The following HNRNPU variants were observed in gnomAD, a reference collection of about 807,000 sequenced individuals.
HNRNPU encodes heterogeneous nuclear ribonucleoprotein U.
A neutral mutation model predicts 94.7 loss-of-function variants in HNRNPU; 5 were observed. That is an observed-to-expected ratio of 0.05 (90% CI 0.03 to 0.11). The LOEUF (loss-of-function observed/expected upper bound fraction) is 0.11, where lower values mean the gene tolerates loss of function less well. HNRNPU is among the 10% of genes least tolerant of loss of function. The pLI is 1.00. For synonymous variants in HNRNPU, 434 were observed against 381.6 expected, an observed-to-expected ratio of 1.14 and a Z score of -1.60; for missense variants, 710 against 1,049.2, an observed-to-expected ratio of 0.68 and a Z score of 4.47.
At chr1:244,854,919 C>G (rs1396495732) in intron 13 of HNRNPU, 54 bp downstream of exon 13, 4 of 1,333,390 alleles carry the variant, frequency 3.0e-6, no homozygotes, top group Non-Finnish European at 4.3e-6. Flanking sequence ...ACTGATAAAT[C>G]TTAGGAACTC....
At chr1:244,856,426 TTCA>T in intron 10 of HNRNPU, 28 bp downstream of exon 10, 1 of 1,583,140 alleles carries the variant, frequency 6.3e-7, no homozygotes. Context: ...AAAAGAAGAT[TTCA>T]CACAGTAACA....
Position 244,854,107 on chromosome 1 carries a change from G to A in HNRNPU, c.*343C>T, listed in dbSNP as rs1336875853. On this transcript the variant is annotated 3_prime_UTR_variant, in exon 14 of 14. Transcript: ENST00000640218. ...TTATTCTCTGTGAGAAATGGGGGGA[G>A]TAAATTCTTAATAAAAGACACCAGG... The A allele has an allele frequency of 4.0e-6, 1 of 249,700 alleles. No homozygotes were observed. Among genetic ancestry groups the A allele is most frequent in the African/African-American group, 2.4e-5 (1 of 41,930 alleles). The allele number at this position is 249,700 out of a possible 1,614,324, so 15.5% of individuals were successfully genotyped here.
Position 244,862,501 on chromosome 1 carries a change from T to C in HNRNPU, c.837A>G (p.Glu279=), listed in dbSNP as rs538951206. Residue 279 remains glutamate (E), a synonymous_variant, in exon 3 of 14, where the codon GAA becomes GAG. Transcript: ENST00000640218. ...AKSPQPPVEE[E]DEHFDDTVVC... ...CCACTGTGTCATCGAAGTGTTCATCTTCTTCTTCAACAGGTGGCTGAGGAG... is the reference window on the plus strand; with the variant it reads ...CCACTGTGTCATCGAAGTGTTCATCCTCTTCTTCAACAGGTGGCTGAGGAG... 2.1e-5 allele frequency: 34 copies of C among 1,613,780 alleles called. No individual in the cohort carries two copies. Among genetic ancestry groups the C allele is most frequent in the Non-Finnish European group, 2.9e-5 (34 of 1,179,862 alleles).
chr1:244,851,259 T>C lies in HNRNPU; in HGVS notation c.*3191A>G, dbSNP rs1336779857. On this transcript the variant is annotated 3_prime_UTR_variant, in exon 14 of 14. Transcript: ENST00000640218. ...ATGCCTCTCTGTTTATTCTAGTTTT[T>C]TAAAAATCAAATATACAAGATCTAC... 1 of 152,044 alleles carries C rather than the reference T, an allele frequency of 6.6e-6. No homozygotes were observed. Among genetic ancestry groups the C allele is most frequent in the Admixed American group, 6.6e-5 (1 of 15,252 alleles). 9.4% of individuals were successfully genotyped at this position (152,044 alleles called of 1,614,324 possible).
rs1319023476 is a variant in HNRNPU at position 244,861,739 on chromosome 1, TAACA to T, written c.877+718_877+721del. 6 of 47,622 alleles carry T rather than the reference TAACA, an allele frequency of 1.3e-4. No individual in the cohort carries two copies. The Admixed American group carries it at 1.4e-3, about 11-fold the overall frequency. 2.9% of individuals were successfully genotyped at this position (47,622 alleles called of 1,614,324 possible). A position where few individuals can be genotyped will look rare whatever the true frequency, so the allele number is the denominator to read the frequency against. Reference sequence around the variant, plus strand: ...TCACTAAACCAACTACGTTTTTTTGTAACAAAAAAAAAAAAAAAAAAAACAAGTC... The same window carrying T: ...TCACTAAACCAACTACGTTTTTTTGTAAAAAAAAAAAAAAAAAAACAAGTC... On this transcript the variant is annotated intron_variant, in intron 3 of 13. Coordinates refer to ENST00000640218, the MANE Select transcript of HNRNPU (RefSeq NM_031844.3).
At chr1:244,863,418 A>ATG (rs1680903398) in intron 1 of HNRNPU, among the ~76,000 whole-genome samples, 199 bp downstream of exon 1, 2 of 141,456 alleles carry the variant, frequency 1.4e-5, no homozygotes, top group Non-Finnish European at 3.1e-5. Flanking sequence ...ACACACACAC[A>ATG]CACGCGCGCG....
rs556510132 is a variant in HNRNPU at position 244,854,995 on chromosome 1, C to T, written c.2402G>A (p.Gly801Asp). ...NNRGYKNQSQ[G>D]YNQWQQGQFW... ...TACACCCTGCTGCCACTGGTTGTAG[C>T]CCTGAGATTGATTTTTGTAGCCACG... Residue 801 changes from glycine (G) to aspartate (D), a missense_variant, in exon 13 of 14, where the codon GGC becomes GAC. By Grantham distance (94) the Gly-to-Asp change is moderately conservative. Transcript: ENST00000640218. 2.5e-6 allele frequency: 4 copies of T among 1,613,410 alleles called. No individual in the cohort carries two copies. The highest frequency in any genetic ancestry group is 3.4e-6 in the Non-Finnish European group (4 of 1,179,508).
Position 244,858,856 on chromosome 1 carries a change from A to C in HNRNPU, c.1118-15T>G. The C allele has an allele frequency of 1.7e-6, 2 of 1,171,280 alleles. No homozygotes were observed. Among genetic ancestry groups the C allele is most frequent in the Non-Finnish European group, 2.6e-6 (2 of 782,158 alleles). 72.6% of individuals were successfully genotyped at this position (1,171,280 alleles called of 1,614,324 possible). A position where few individuals can be genotyped will look rare whatever the true frequency, so the allele number is the denominator to read the frequency against. On this transcript the variant is annotated splice_polypyrimidine_tract_variant and intron_variant, in intron 5 of 13. Coordinates refer to ENST00000640218, the MANE Select transcript of HNRNPU (RefSeq NM_031844.3). ...TTCTTCTTCACCTAAGAAAATAATT[A>C]ATCTTCATGAAGTAGATGTTTAAAA...
intron 12 of HNRNPU, 94 bp from the exon 13 acceptor site, chr1:244,855,138 AG>A (rs2102984754): frequency 1.0e-6 from 1 of 982,892 alleles, no homozygotes. Context: ...ACAGGTTGCT[AG>A]CCCCTAATCT....
In HNRNPU at chr1:244,859,356, C is replaced by T; in HGVS notation, c.1036G>A (p.Val346Ile). ...FEMKVTEKIP[V>I]RHLYTKDIDI... ...ATATCTTTTGTATATAAATGCCTTACTGGGATCTTCTCTGTAACCTGAAAG... is the reference window on the plus strand; with the variant it reads ...ATATCTTTTGTATATAAATGCCTTATTGGGATCTTCTCTGTAACCTGAAAG... The change falls in exon 5 of 14, where the codon GTA becomes ATA. Residue 346 changes from valine (V) to isoleucine (I), a missense_variant. By Grantham distance (29) the Val-to-Ile change is conservative (BLOSUM62 3). This residue lies in a region of HNRNPU where 31 missense variants were observed against 86.8 expected (regional missense o/e 0.36). Coordinates refer to ENST00000640218, the MANE Select transcript of HNRNPU (RefSeq NM_031844.3). The T allele has an allele frequency of 1.9e-6, 3 of 1,561,628 alleles. No homozygotes were observed. The highest frequency in any genetic ancestry group is 2.6e-6 in the Non-Finnish European group (3 of 1,133,200).
At chr1:244,859,032 A>G in intron 5 of HNRNPU, 191 bp from the exon 6 acceptor site, 1 of 582,060 alleles carries the variant, frequency 1.7e-6, no homozygotes, top group South Asian at 2.3e-5. Flanking sequence ...CAGAGACCAA[A>G]TTAGTTGACG....
rs767918101 is a variant in HNRNPU at position 244,863,959 on chromosome 1, C to G, written c.349G>C (p.Asp117His). ...GEENGAAGAADSGPMEEEEAA... is the reference protein window; with the variant it reads ...GEENGAAGAAHSGPMEEEEAA... ...TCCTCCTCCTCCATCGGGCCCGAGT[C>G]GGCCGCCCCCGCGGCCCCGTTCTCC... Residue 117 changes from aspartate to histidine, a missense_variant, in exon 1 of 14, where the codon GAC (aspartate) becomes CAC (histidine). This residue lies in a region of HNRNPU where 292 missense variants were observed against 293.4 expected (regional missense o/e 1.00). Transcript: ENST00000640218. 1 of 1,613,462 alleles carries G rather than the reference C, an allele frequency of 6.2e-7. No individual in the cohort carries two copies. The highest frequency in any genetic ancestry group is 8.5e-7 in the Non-Finnish European group (1 of 1,179,802).
intron 3 of HNRNPU, chr1:244,862,235 G>A: frequency 4.7e-6 from 2 of 426,838 alleles, no homozygotes; most frequent in Middle Eastern, 1.3e-3. Context: ...GAACTTTCAA[G>A]TCATAAAAAT....
At chr1:244,858,654 G>A in intron 6 of HNRNPU, 75 bp downstream of exon 6, 1 of 792,314 alleles carries the variant, frequency 1.3e-6, no homozygotes, top group Non-Finnish European at 2.2e-6. Flanking sequence ...ACTGACCTCA[G>A]TAAAGCTTCT....
In HNRNPU at chr1:244,862,489, G is replaced by A. The variant is rs200804217; in HGVS notation, c.849C>T (p.Phe283=). Residue 283 remains phenylalanine, a synonymous_variant, in exon 3 of 14, where the codon TTC becomes TTT. Coordinates refer to ENST00000640218, the MANE Select transcript of HNRNPU (RefSeq NM_031844.3). ...TATCAAGACAAACCACTGTGTCATC[G>A]AAGTGTTCATCTTCTTCTTCAACAG... is the stretch of plus-strand genomic sequence containing the variant. The part of the protein sequence containing the change: ...QPPVEEEDEH[F]DDTVVCLDTY... 4 of 1,612,838 alleles carry A rather than the reference G, an allele frequency of 2.5e-6. No homozygotes were observed. The highest frequency in any genetic ancestry group is 3.4e-6 in the Non-Finnish European group (4 of 1,179,680).
rs1443683266 is a variant in HNRNPU at position 244,854,058 on chromosome 1, T to C, written c.*392A>G. On this transcript the variant is annotated 3_prime_UTR_variant, in exon 14 of 14. Transcript: ENST00000640218. ...AATCTGGTTGCTAACATTTCTATTA[T>C]ATTGTGACAATGACTCCCGACTGTT... The C allele has an allele frequency of 4.3e-6, 1 of 232,308 alleles. No individual in the cohort carries two copies. 14.4% of individuals were successfully genotyped at this position (232,308 alleles called of 1,614,324 possible).
chr1:244,863,590 G>T, intron 1 of HNRNPU, 27 bp downstream of exon 1: 3 of 1,398,910 alleles, frequency 2.1e-6, no homozygotes, highest in Non-Finnish European at 1.8e-6. Context: ...GCCTCCCGCC[G>T]CGCGCAACGT....
rs562315330 is a variant in HNRNPU at position 244,851,451 on chromosome 1, T to C, written c.*2999A>G. 8 of 152,298 alleles carry C rather than the reference T, an allele frequency of 5.3e-5. No individual in the cohort carries two copies. In the South Asian group the frequency reaches 1.7e-3, roughly 32 times the overall value. The allele number at this position is 152,298 out of a possible 1,614,324, so 9.4% of individuals were successfully genotyped here. On this transcript the variant is annotated 3_prime_UTR_variant, in exon 14 of 14. Transcript: ENST00000640218. ...CATCCAATTCCCACAAATGAGACATTTTAAATACAGAATACACTCTGTTCA... is the reference window on the plus strand; with the variant it reads ...CATCCAATTCCCACAAATGAGACATCTTAAATACAGAATACACTCTGTTCA...
chr1:244,855,818 G>A, intron 11 of HNRNPU, 86 bp downstream of exon 11: 2 of 1,485,756 alleles, frequency 1.3e-6, no homozygotes, highest in Non-Finnish European at 1.8e-6. Context: ...CCATTAATGA[G>A]GAAGAAACTT....
Sources: gnomAD v4.1 joint callset for allele counts (sites outside exome capture counted in the v4.1 genomes callset) on GRCh38, gnomAD v4.1.1 for gene constraint, gnomAD v4.1.1 regional missense constraint, MANE v1.5 for transcripts, NCBI Gene and HGNC (gene_info 2026-07-23, HGNC 2026-07-21) for gene names.